The following FZD5 variants were observed in gnomAD, a reference collection of about 807,000 sequenced individuals.
FZD5 encodes frizzled-5.
FZD5 carries 12 observed loss-of-function variants against 40.8 expected under a neutral mutation model. The observed-to-expected ratio is 0.29, with a 90% CI of 0.19 to 0.48. The LOEUF (loss-of-function observed/expected upper bound fraction) is 0.48, where lower values mean the gene tolerates loss of function less well. Ranked by LOEUF, FZD5 falls within the 20% of genes least tolerant of loss-of-function variation. The pLI, the probability that FZD5 is intolerant of heterozygous loss-of-function variation, is 0.99. For synonymous variants in FZD5, 380 were observed against 383.7 expected (o/e 0.99, Z 0.11); for missense variants, 622 against 832.8 (o/e 0.75, Z 3.12).
Position 207,763,502 on chromosome 2 carries a change from C to A in FZD5, c.*3480G>T, listed in dbSNP as rs1057092750. 2 of 152,612 alleles carry A rather than the reference C, an allele frequency of 1.3e-5. No homozygotes were observed. Among genetic ancestry groups the A allele is most frequent in the African/African-American group, 4.8e-5 (2 of 41,438 alleles). 9.5% of individuals were successfully genotyped at this position (152,612 alleles called of 1,614,324 possible). A position where few individuals can be genotyped will look rare whatever the true frequency, so the allele number is the denominator to read the frequency against. ...AGAAAGAGCATGCAGAGGGAGCAGG[C>A]AATTCTTAGCCACTGTCCCTCACAC... On this transcript the variant is annotated 3_prime_UTR_variant, in exon 2 of 2. Transcript: ENST00000295417.
Position 207,768,392 on chromosome 2 carries a change from G to A in FZD5, c.348C>T (p.Cys116=). 3 of 1,603,320 alleles carry A rather than the reference G, an allele frequency of 1.9e-6. No individual in the cohort carries two copies. Among genetic ancestry groups the A allele is most frequent in the Non-Finnish European group, 2.5e-6 (3 of 1,178,272 alleles). The change falls in exon 2 of 2, where the codon TGC becomes TGT. Residue 116 remains cysteine, a synonymous_variant. Coordinates refer to ENST00000295417, the MANE Select transcript of FZD5 (RefSeq NM_003468.4). ...RSVCERAKAG[C]SPLMRQYGFA... is the part of the protein sequence containing the mutation. ...AGCCGTACTGGCGCATCAGCGGCGAGCAGCCGGCCTTGGCGCGCTCGCACA... is the reference window on the plus strand; with the variant it reads ...AGCCGTACTGGCGCATCAGCGGCGAACAGCCGGCCTTGGCGCGCTCGCACA...
Position 207,763,618 on chromosome 2 carries a change from G to T in FZD5, c.*3364C>A, listed in dbSNP as rs1450570049. On this transcript the variant is annotated 3_prime_UTR_variant, in exon 2 of 2. Coordinates refer to ENST00000295417, the MANE Select transcript of FZD5 (RefSeq NM_003468.4). ...AGCTCTGTCCCTCCTACCCCCCTTG[G>T]GCTTTCTGTAGAGCACAAAAGTGAA... 2.0e-5 allele frequency: 3 copies of T among 152,634 alleles called. No individual in the cohort carries two copies. The highest frequency in any genetic ancestry group is 7.2e-5 in the African/African-American group (3 of 41,420). 9.5% of individuals were successfully genotyped at this position (152,634 alleles called of 1,614,324 possible). A position where few individuals can be genotyped will look rare whatever the true frequency, so the allele number is the denominator to read the frequency against.
At position 207,764,367 on chromosome 2, in the gene FZD5, CAG is replaced by C. The variant is rs138673417; in HGVS notation, c.*2613_*2614del. The C allele has an allele frequency of 0.023, 3,521 of 152,274 alleles. 46 individuals carry two copies. The highest frequency in any genetic ancestry group is 0.026 in the Non-Finnish European group (1,786 of 68,054). 9.4% of individuals were successfully genotyped at this position (152,274 alleles called of 1,614,324 possible). On this transcript the variant is annotated 3_prime_UTR_variant, in exon 2 of 2. Transcript: ENST00000295417. ...GGGGAAGTAACTATATGGATGGAAA[CAG>C]GGGGTGGCTGTAAGTAGATCCAGTT...
At position 207,764,432 on chromosome 2, in the gene FZD5, G is replaced by A. The variant is rs551062600; in HGVS notation, c.*2550C>T. On this transcript the variant is annotated 3_prime_UTR_variant, in exon 2 of 2. Transcript: ENST00000295417. ...GGTGGCTGATCTCAGTAAGACTTAG[G>A]GATGCAGGTGGGCTTTTATCTTTGT... 1 of 152,144 alleles carries A rather than the reference G, an allele frequency of 6.6e-6. No individual in the cohort carries two copies. Among genetic ancestry groups the A allele is most frequent in the East Asian group, 1.9e-4 (1 of 5,186 alleles). 9.4% of individuals were successfully genotyped at this position (152,144 alleles called of 1,614,324 possible).
Position 207,767,153 on chromosome 2 carries a change from C to A in FZD5, c.1587G>T (p.Ser529=), listed in dbSNP as rs769341953. 4.2e-5 allele frequency: 66 copies of A among 1,575,588 alleles called. 3 individuals are homozygous for A. Among genetic ancestry groups the A allele is most frequent in the Non-Finnish European group, 5.6e-5 (65 of 1,162,398 alleles). ...AGCAGCGGCTGGTGAAACGCCGCCA[C>A]GACTCCACCGTCTTGCCCGACCAGA... ...VWIWSGKTVE[S]WRRFTSRCCC... The change falls in exon 2 of 2, where the codon TCG becomes TCT. Residue 529 remains serine, a synonymous_variant. Transcript: ENST00000295417.
In FZD5 at chr2:207,767,051, G is replaced by T; in HGVS notation, c.1689C>A (p.Leu563=). 2.0e-6 allele frequency: 3 copies of T among 1,524,438 alleles called. No homozygotes were observed. The highest frequency in any genetic ancestry group is 2.6e-6 in the Non-Finnish European group (3 of 1,146,192). 94.4% of individuals were successfully genotyped at this position (1,524,438 alleles called of 1,614,324 possible). Residue 563 remains leucine (L), a synonymous_variant, in exon 2 of 2, where the codon CTC becomes CTA. Coordinates refer to ENST00000295417, the MANE Select transcript of FZD5 (RefSeq NM_003468.4). The part of the protein sequence containing the change: ...AGDYPEASAA[L]TGRTGPPGPA... The stretch of plus-strand genomic sequence containing the variant: ...GGCCCGGCGGCCCGGTCCTGCCTGT[G>T]AGCGCGGCGCTCGCCTCGGGGTAGT...
rs2091980577 is a variant in FZD5 at position 207,766,631 on chromosome 2, G to A, written c.*351C>T. On this transcript the variant is annotated 3_prime_UTR_variant, in exon 2 of 2. Coordinates refer to ENST00000295417, the MANE Select transcript of FZD5 (RefSeq NM_003468.4). Reference sequence around the variant, plus strand: ...CACAGTTCAAAGAAACCTGAACCAAGTGGAACTTCATTACAACGCCAACCT... The same window carrying A: ...CACAGTTCAAAGAAACCTGAACCAAATGGAACTTCATTACAACGCCAACCT... 1 of 197,520 alleles carries A rather than the reference G, an allele frequency of 5.1e-6. No individual in the cohort carries two copies. The highest frequency in any genetic ancestry group is 2.3e-5 in the African/African-American group (1 of 43,150). The allele number at this position is 197,520 out of a possible 1,614,324, so 12.2% of individuals were successfully genotyped here.
At position 207,767,011 on chromosome 2, in the gene FZD5, G is replaced by T; in HGVS notation, c.1729C>A (p.His577Asn). 1 of 1,483,370 alleles carries T rather than the reference G, an allele frequency of 6.7e-7. No individual in the cohort carries two copies. Among genetic ancestry groups the T allele is most frequent in the South Asian group, 1.4e-5 (1 of 70,080 alleles). The allele number at this position is 1,483,370 out of a possible 1,614,324, so 91.9% of individuals were successfully genotyped here. A position where few individuals can be genotyped will look rare whatever the true frequency, so the allele number is the denominator to read the frequency against. The change falls in exon 2 of 2, where the codon CAC (histidine) becomes AAC (asparagine). Residue 577 changes from histidine to asparagine, a missense_variant. This residue lies in a region of FZD5 where 154 missense variants were observed against 152.1 expected (regional missense o/e 1.01). Transcript: ENST00000295417. Reference sequence around the variant, plus strand: ...ACGTGCGACAGGGACACCTGCTTGTGGTAGGTGGCGGCGGGGCCCGGCGGC... The same window carrying T: ...ACGTGCGACAGGGACACCTGCTTGTTGTAGGTGGCGGCGGGGCCCGGCGGC... ...TGPPGPAATY[H>N]KQVSLSHV is the part of the protein sequence containing the mutation.
Position 207,767,387 on chromosome 2 carries a change from G to A in FZD5, c.1353C>T (p.Gly451=). 6.2e-7 allele frequency: 1 copy of A among 1,612,664 alleles called. No homozygotes were observed. The highest frequency in any genetic ancestry group is 8.5e-7 in the Non-Finnish European group (1 of 1,179,922). The change falls in exon 2 of 2, where the codon GGC becomes GGT. Residue 451 remains glycine, a synonymous_variant. Coordinates refer to ENST00000295417, the MANE Select transcript of FZD5 (RefSeq NM_003468.4). ...DKLEKLMIRI[G]IFTLLYTVPA... Reference sequence around the variant, plus strand: ...GGACCGTGTAGAGCAGCGTGAAGATGCCGATGCGGATCATGAGCTTCTCCA... The same window carrying A: ...GGACCGTGTAGAGCAGCGTGAAGATACCGATGCGGATCATGAGCTTCTCCA...
chr2:207,766,674 C>CA lies in FZD5; in HGVS notation c.*307dup. The CA allele has an allele frequency of 3.9e-6, 1 of 258,828 alleles. No homozygotes were observed. Among genetic ancestry groups the CA allele is most frequent in the Non-Finnish European group, 7.2e-6 (1 of 138,478 alleles). 16.0% of individuals were successfully genotyped at this position (258,828 alleles called of 1,614,324 possible). A position where few individuals can be genotyped will look rare whatever the true frequency, so the allele number is the denominator to read the frequency against. ...GCCAACCTTAGGATTGTAAAGCCCC[C>CA]AAAGCAAAGGTAAATTGTTGCCAAA... On this transcript the variant is annotated 3_prime_UTR_variant, in exon 2 of 2. Coordinates refer to ENST00000295417, the MANE Select transcript of FZD5 (RefSeq NM_003468.4).
In FZD5 at chr2:207,767,216, G is replaced by T. The variant is rs540422197; in HGVS notation, c.1524C>A (p.Phe508Leu). ...ACGTGATGCCCACCACCAGGCACAT[G>T]AAGTACTTGAGCATGAGCACCCAGT... Reference protein sequence around the residue: ...PEYWVLMLKYFMCLVVGITSG... With the variant: ...PEYWVLMLKYLMCLVVGITSG... Residue 508 changes from phenylalanine to leucine, a missense_variant, in exon 2 of 2, where the codon TTC becomes TTA. Phe to Leu is a conservative substitution (Grantham distance 22). Coordinates refer to ENST00000295417, the MANE Select transcript of FZD5 (RefSeq NM_003468.4). 14 of 1,608,854 alleles carry T rather than the reference G, an allele frequency of 8.7e-6. No individual in the cohort carries two copies. The South Asian group carries it at 9.9e-5, about 11-fold the overall frequency.
rs80340611 is a variant in FZD5, at chr2:207,762,894, G to C, written c.*4088C>G. 2 of 152,682 alleles carry C rather than the reference G, an allele frequency of 1.3e-5. No homozygotes were observed. The highest frequency in any genetic ancestry group is 3.9e-4 in the East Asian group (2 of 5,188). The allele number at this position is 152,682 out of a possible 1,614,324, so 9.5% of individuals were successfully genotyped here. On this transcript the variant is annotated 3_prime_UTR_variant, in exon 2 of 2. Coordinates refer to ENST00000295417, the MANE Select transcript of FZD5 (RefSeq NM_003468.4). ...ATCAAGCTGCTCTGGGTTTCCTTTT[G>C]TAAGTGTTACAGATTCAGAACTGTA...
rs965029903 is a variant in FZD5, at chr2:207,769,586, T to C, written c.-577A>G. On this transcript the variant is annotated 5_prime_UTR_variant, in exon 1 of 2. Coordinates refer to ENST00000295417, the MANE Select transcript of FZD5 (RefSeq NM_003468.4). ...GAGCCGGACGGAGGGCGAGCGCGCCTGGCAGCACCTGGGCGGGAGGAAGGC... is the reference window on the plus strand; with the variant it reads ...GAGCCGGACGGAGGGCGAGCGCGCCCGGCAGCACCTGGGCGGGAGGAAGGC... 3 of 152,522 alleles carry C rather than the reference T, an allele frequency of 2.0e-5. No homozygotes were observed. Among genetic ancestry groups the C allele is most frequent in the African/African-American group, 7.2e-5 (3 of 41,436 alleles). 9.4% of individuals were successfully genotyped at this position (152,522 alleles called of 1,614,324 possible).
In FZD5 at chr2:207,762,820, C is replaced by T. The variant is rs573777004; in HGVS notation, c.*4162G>A. On this transcript the variant is annotated 3_prime_UTR_variant, in exon 2 of 2. Coordinates refer to ENST00000295417, the MANE Select transcript of FZD5 (RefSeq NM_003468.4). Reference sequence around the variant, plus strand: ...ATCTTGAGACTAACATAACCACATACAACTGCTGTTTCTACTGACTCCCAG... The same window carrying T: ...ATCTTGAGACTAACATAACCACATATAACTGCTGTTTCTACTGACTCCCAG... 2 of 152,654 alleles carry T rather than the reference C, an allele frequency of 1.3e-5. No individual in the cohort carries two copies. Among genetic ancestry groups the T allele is most frequent in the African/African-American group, 4.8e-5 (2 of 41,556 alleles). The allele number at this position is 152,654 out of a possible 1,614,324, so 9.5% of individuals were successfully genotyped here.
intron 1 of FZD5, 88 bp from the exon 2 acceptor site, chr2:207,769,082 A>C: frequency 3.2e-6 from 1 of 316,592 alleles, no homozygotes; most frequent in Non-Finnish European, 6.1e-6. Flanking sequence ...CTGTCTCCAA[A>C]TCTCTTAAGT....
rs984524678 is a variant in FZD5, at chr2:207,768,944, C to T, written c.-205G>A. 26 of 596,382 alleles carry T rather than the reference C, an allele frequency of 4.4e-5. No individual in the cohort carries two copies. Among genetic ancestry groups the T allele is most frequent in the Admixed American group, 9.4e-5 (3 of 31,958 alleles). The allele number at this position is 596,382 out of a possible 1,614,324, so 36.9% of individuals were successfully genotyped here. On this transcript the variant is annotated 5_prime_UTR_variant, in exon 2 of 2. Transcript: ENST00000295417. Reference sequence around the variant, plus strand: ...CCGCTGGCAGCGCTCCGCTCCTCGCCGGATAGGGCTGGGGAGAGACGGTTA... The same window carrying T: ...CCGCTGGCAGCGCTCCGCTCCTCGCTGGATAGGGCTGGGGAGAGACGGTTA...
rs773125033 is a variant in FZD5, at chr2:207,766,966, C to T, written c.*16G>A. The T allele has an allele frequency of 6.2e-6, 9 of 1,444,462 alleles. No homozygotes were observed. Among genetic ancestry groups the T allele is most frequent in the Non-Finnish European group, 8.2e-6 (9 of 1,101,686 alleles). 89.5% of individuals were successfully genotyped at this position (1,444,462 alleles called of 1,614,324 possible). On this transcript the variant is annotated 3_prime_UTR_variant, in exon 2 of 2. Transcript: ENST00000295417. ...CTCCCCTCAGCTCTCCGGCCGAGTC[C>T]CTCGGCGGCAGCCTCCTACACGTGC... is the stretch of plus-strand genomic sequence containing the variant.
rs1345654457 is a variant in FZD5 at position 207,769,764 on chromosome 2, G to A, written c.-755C>T. The stretch of plus-strand genomic sequence containing the variant: ...GGGCTCCGCGCTCCAGTGGACTCCT[G>A]GGGGCGGTGGCGACGCTCTCGGGAC... On this transcript the variant is annotated 5_prime_UTR_variant, in exon 1 of 2. Coordinates refer to ENST00000295417, the MANE Select transcript of FZD5 (RefSeq NM_003468.4). 6.6e-6 allele frequency among the ~76,000 whole-genome samples: 1 copy of A among 151,994 alleles called. No homozygotes were observed. Among genetic ancestry groups the A allele is most frequent in the African/African-American group, 2.4e-5 (1 of 41,416 alleles).
chr2:207,768,631 T>C lies in FZD5; in HGVS notation c.109A>G (p.Thr37Ala), dbSNP rs751343819. Residue 37 changes from threonine to alanine, a missense_variant, in exon 2 of 2, where the codon ACG becomes GCG. Thr to Ala is a moderately conservative substitution (Grantham distance 58). Transcript: ENST00000295417. Reference sequence around the variant, plus strand: ...CCGATGCCGCGGCACATGGGCACCGTGATTTCCTGGCACACCGGGGCCTTG... The same window carrying C: ...CCGATGCCGCGGCACATGGGCACCGCGATTTCCTGGCACACCGGGGCCTTG... ...ASKAPVCQEITVPMCRGIGYN... is the reference protein window; with the variant it reads ...ASKAPVCQEIAVPMCRGIGYN... 3 of 1,613,558 alleles carry C rather than the reference T, an allele frequency of 1.9e-6. No individual in the cohort carries two copies. In the African/African-American group the frequency reaches 4.0e-5, roughly 22 times the overall value.
Sources: allele counts gnomAD v4.1 joint callset (sites outside exome capture counted in the v4.1 genomes callset), GRCh38; gene constraint gnomAD v4.1.1; regional missense constraint gnomAD v4.1.1; transcripts MANE v1.5; gene names NCBI Gene and HGNC (gene_info 2026-07-23, HGNC 2026-07-21).